HIVEP2: variants seen among roughly 807,000 people sequenced by gnomAD.
HIVEP2 encodes the protein HIVEP zinc finger 2.
A neutral mutation model predicts 180.7 loss-of-function variants in HIVEP2; 14 were observed. The ratio of observed to expected loss-of-function variants is 0.08; its 90% CI spans 0.05 to 0.12. The LOEUF (loss-of-function observed/expected upper bound fraction) is 0.12, where lower values mean the gene tolerates loss of function less well. HIVEP2 is among the 10% of genes least tolerant of loss of function. The pLI is 1.00. For synonymous variants in HIVEP2, 1,184 were observed against 1,136.4 expected (o/e 1.04, Z -0.84); for missense variants, 2,579 against 3,008.5 (o/e 0.86, Z 3.34).
intron 2 of HIVEP2, among the ~76,000 whole-genome samples, chr6:142,831,357 T>C (rs198664): frequency 0.15 from 23,066 of 152,106 alleles, 3,103 homozygotes; most frequent in African/African-American, 0.37. Context: ...TTGTTTGAAT[T>C]CATGGAAGTG....
chr6:142,910,662 T>G (rs1450341482), intron 1 of HIVEP2, among the ~76,000 whole-genome samples: 1 of 152,224 alleles, frequency 6.6e-6, no homozygotes, highest in Non-Finnish European at 1.5e-5. Flanking sequence ...CCTACACTTC[T>G]GCTTAGAAGC....
intron 2 of HIVEP2, among the ~76,000 whole-genome samples, chr6:142,822,570 C>T (rs1333536911): frequency 1.3e-5 from 2 of 152,146 alleles, no homozygotes; most frequent in African/African-American, 2.4e-5. Context: ...AAGTGCTAAA[C>T]TTCAGTTAGA....
At chr6:142,848,966 A>G (rs550704454) in intron 1 of HIVEP2, among the ~76,000 whole-genome samples, 8 of 152,188 alleles carry the variant, frequency 5.3e-5, no homozygotes, top group African/African-American at 1.7e-4. Flanking sequence ...TTTCTGTAAC[A>G]CTCTAAAAAG....
rs1774957095 is a variant in HIVEP2, at chr6:142,752,986, A to G, written c.*121T>C. The G allele has an allele frequency of 1.7e-5, 11 of 665,842 alleles. No homozygotes were observed. In the South Asian group the frequency reaches 1.8e-4, roughly 11 times the overall value. The allele number at this position is 665,842 out of a possible 1,614,324, so 41.2% of individuals were successfully genotyped here. ...TTCTTTTGATATAACAAAAGTATAT[A>G]TAATAGCAAACTACTGTAACTTAGG... On this transcript the variant is annotated 3_prime_UTR_variant, in exon 10 of 10. Transcript: ENST00000367603.
Position 142,774,370 on chromosome 6 carries a change from C to T in HIVEP2, c.369G>A (p.Pro123=), listed in dbSNP as rs759456725. 4.2e-5 allele frequency: 68 copies of T among 1,614,052 alleles called. No individual in the cohort carries two copies. The highest frequency in any genetic ancestry group is 1.5e-4 in the Admixed American group (9 of 60,004). Residue 123 remains proline, a synonymous_variant, in exon 5 of 10, where the codon CCG becomes CCA. Transcript: ENST00000367603. The surrounding 1 kb of genome is among the most constrained non-coding windows in gnomAD (Gnocchi z 5.1). The part of the protein sequence containing the change: ...TKPHQSLEGP[P]WLFPGPLPSV... Reference sequence around the variant, plus strand: ...ATGGCAAAGGGCCAGGGAAAAGCCACGGAGGACCTTCGAGGCTCTGATGTG... The same window carrying T: ...ATGGCAAAGGGCCAGGGAAAAGCCATGGAGGACCTTCGAGGCTCTGATGTG...
At chr6:142,917,236 T>A (rs533411739) in intron 1 of HIVEP2, among the ~76,000 whole-genome samples, 73 of 152,318 alleles carry the variant, frequency 4.8e-4, no homozygotes, top group African/African-American at 1.6e-3. Flanking sequence ...TCACTAATTC[T>A]CTCTTCTCCA....
At chr6:142,934,754 G>C (rs13211315) in intron 1 of HIVEP2, among the ~76,000 whole-genome samples, 41,677 of 152,140 alleles carry the variant, frequency 0.27, 6,844 homozygotes, top group Non-Finnish European at 0.38. Flanking sequence ...GGACATTGCT[G>C]AGTTGCAAAA....
In HIVEP2 at chr6:142,773,748, G is replaced by A. The variant is rs1369427990; in HGVS notation, c.991C>T (p.Pro331Ser). Reference sequence around the variant, plus strand: ...TTAGGGAGAGGAATCCCACTTTTAGGGATAATCAAAATCGGCACCTTCATT... The same window carrying A: ...TTAGGGAGAGGAATCCCACTTTTAGAGATAATCAAAATCGGCACCTTCATT... ...GPMKVPILII[P>S]KSGIPLPNES... The change falls in exon 5 of 10, where the codon CCT becomes TCT. Residue 331 changes from proline to serine, a missense_variant. Physicochemically the swap from Pro to Ser is moderately conservative, Grantham distance 74 (BLOSUM62 -1). Transcript: ENST00000367603. 1.2e-6 allele frequency: 2 copies of A among 1,613,818 alleles called. No homozygotes were observed. The highest frequency in any genetic ancestry group is 2.7e-5 in the African/African-American group (2 of 74,886).
chr6:142,870,937 T>C (rs1369811503), intron 1 of HIVEP2, among the ~76,000 whole-genome samples: 1 of 152,206 alleles, frequency 6.6e-6, no homozygotes, highest in African/African-American at 2.4e-5. Context: ...AGCCAAGCAA[T>C]GTACAATTAC....
intron 2 of HIVEP2, among the ~76,000 whole-genome samples, chr6:142,785,142 G>A (rs1396526160): frequency 1.3e-5 from 2 of 151,582 alleles, no homozygotes; most frequent in Non-Finnish European, 2.9e-5. Flanking sequence ...ACCTGCCTTG[G>A]CCTCCCAAAG....
In HIVEP2 at chr6:142,751,946, G is replaced by A. The variant is rs550523593; in HGVS notation, c.*1161C>T. On this transcript the variant is annotated 3_prime_UTR_variant, in exon 10 of 10. Coordinates refer to ENST00000367603, the MANE Select transcript of HIVEP2 (RefSeq NM_006734.4). Reference sequence around the variant, plus strand: ...CACCCAACCCTCAGAGTCCAAGTGCGACCCTCTGTGTAGCCTTAGTTCCAG... The same window carrying A: ...CACCCAACCCTCAGAGTCCAAGTGCAACCCTCTGTGTAGCCTTAGTTCCAG... The A allele has an allele frequency of 8.2e-4, 125 of 152,794 alleles. No individual in the cohort carries two copies. The highest frequency in any genetic ancestry group is 2.6e-3 in the African/African-American group (110 of 41,548). 9.5% of individuals were successfully genotyped at this position (152,794 alleles called of 1,614,324 possible). A position where few individuals can be genotyped will look rare whatever the true frequency, so the allele number is the denominator to read the frequency against.
chr6:142,804,056 C>T (rs1000226964), intron 2 of HIVEP2, among the ~76,000 whole-genome samples: 2 of 152,138 alleles, frequency 1.3e-5, no homozygotes, highest in South Asian at 2.1e-4. Context: ...TACAATGACA[C>T]AGTGCATCAA....
In HIVEP2 at chr6:142,825,158, G is replaced by A. The variant is rs950504498; in HGVS notation, c.-528+11777C>T. Reference sequence around the variant, plus strand: ...AGGAAGGATATTTCCTAGACATCTGGATTAAGGGACTGACTCCCACAGTAA... The same window carrying A: ...AGGAAGGATATTTCCTAGACATCTGAATTAAGGGACTGACTCCCACAGTAA... On this transcript the variant is annotated intron_variant, in intron 2 of 9. Transcript: ENST00000367603. 2.0e-4 allele frequency among the ~76,000 whole-genome samples: 31 copies of A among 152,136 alleles called. 1 individual carries two copies. The highest frequency in any genetic ancestry group is 3.3e-4 in the Admixed American group (5 of 15,274).
chr6:142,788,401 G>A (rs987164399), intron 2 of HIVEP2: 1 of 152,038 alleles, frequency 6.6e-6, no homozygotes, highest in African/African-American at 2.4e-5. Flanking sequence ...AAAAAGAAAA[G>A]ACAAGCATTG....
Position 142,764,844 on chromosome 6 carries a change from G to T in HIVEP2, c.5473C>A (p.Arg1825=). 1 of 1,613,780 alleles carries T rather than the reference G, an allele frequency of 6.2e-7. No homozygotes were observed. The highest frequency in any genetic ancestry group is 1.1e-5 in the South Asian group (1 of 91,012). The change falls in exon 7 of 10, where the codon CGG becomes AGG. Residue 1825 remains arginine (R), a synonymous_variant. Transcript: ENST00000367603. ...TTACATAACTTGCATACATAAGGCCGAACATCAGTATGGGTACGGATGTGT... is the reference window on the plus strand; with the variant it reads ...TTACATAACTTGCATACATAAGGCCTAACATCAGTATGGGTACGGATGTGT... ...KKHIRTHTDV[R]PYVCKLCNFA...
chr6:142,923,812 C>A (rs964739226), intron 1 of HIVEP2, among the ~76,000 whole-genome samples: 2 of 152,186 alleles, frequency 1.3e-5, no homozygotes, highest in East Asian at 1.9e-4. Flanking sequence ...GGTACAGCAA[C>A]GGCTTTTAAT....
chr6:142,903,825 CT>C (rs1777193383), intron 1 of HIVEP2, among the ~76,000 whole-genome samples: 2 of 151,892 alleles, frequency 1.3e-5, no homozygotes, highest in African/African-American at 4.8e-5. Flanking sequence ...TTCATTCTTG[CT>C]TTATTGCTAA....
chr6:142,932,729 C>T (rs923838759), intron 1 of HIVEP2, among the ~76,000 whole-genome samples: 3 of 152,156 alleles, frequency 2.0e-5, no homozygotes, highest in Admixed American at 6.5e-5. Context: ...TGTCCAAGAA[C>T]GGAATAGGCC....
At chr6:142,909,624 C>T (rs1225046664) in intron 1 of HIVEP2, among the ~76,000 whole-genome samples, 1 of 152,090 alleles carries the variant, frequency 6.6e-6, no homozygotes, top group Non-Finnish European at 1.5e-5. Context: ...TCAGAAATAT[C>T]TCAGGGTCAT....
Sources: allele counts gnomAD v4.1 joint callset (sites outside exome capture counted in the v4.1 genomes callset), GRCh38; gene constraint gnomAD v4.1.1; non-coding constraint Gnocchi (gnomAD v3.1); transcripts MANE v1.5; gene names NCBI Gene and HGNC (gene_info 2026-07-23, HGNC 2026-07-21).